CAMK2B: variants seen among roughly 807,000 people sequenced by gnomAD.
CAMK2B encodes calcium/calmodulin dependent protein kinase II beta.
A neutral mutation model predicts 93.7 loss-of-function variants in CAMK2B; 27 were observed. That is an observed-to-expected ratio of 0.29 (90% confidence interval 0.21 to 0.40). CAMK2B has a LOEUF of 0.40. Among genes scored for constraint, CAMK2B ranks in the 10% least tolerant of loss-of-function variants. The pLI is 1.00. For synonymous variants in CAMK2B, 374 were observed against 358.8 expected (o/e 1.04, Z -0.48); for missense variants, 568 against 895.8 (o/e 0.63, Z 4.67).
chr7:44,226,754 T>G (rs1583788505), intron 19 of CAMK2B, 110 bp from the exon 20 acceptor site: 3 of 209,122 alleles, frequency 1.4e-5, no homozygotes, highest in African/African-American at 1.6e-4. Flanking sequence ...GAGGCAGATG[T>G]GGGGGATGGG....
chr7:44,252,270 G>A (rs944001604), intron 5 of CAMK2B, among the ~76,000 whole-genome samples: 3 of 151,978 alleles, frequency 2.0e-5, no homozygotes, highest in African/African-American at 7.3e-5. Flanking sequence ...ATTCTGGGCA[G>A]GCTGACTCTC....
At chr7:44,291,955 C>T (rs1786964020) in intron 1 of CAMK2B, among the ~76,000 whole-genome samples, 2 of 152,244 alleles carry the variant, frequency 1.3e-5, no homozygotes, top group Admixed American at 1.3e-4. Flanking sequence ...CCAACAAGAG[C>T]TAAAGTCTTA....
chr7:44,251,264 G>C (rs553438445), intron 5 of CAMK2B, among the ~76,000 whole-genome samples: 1 of 152,204 alleles, frequency 6.6e-6, no homozygotes, highest in Non-Finnish European at 1.5e-5. Context: ...TCTGCCTGGG[G>C]GTAAGTCAAG....
At chr7:44,310,461 G>A (rs1485952895) in intron 1 of CAMK2B, among the ~76,000 whole-genome samples, 3 of 152,184 alleles carry the variant, frequency 2.0e-5, no homozygotes, top group Non-Finnish European at 4.4e-5. Context: ...CAACCCAGTG[G>A]CTATGTCATG....
At chr7:44,280,460 C>T (rs2097093413) in intron 2 of CAMK2B, among the ~76,000 whole-genome samples, 1 of 152,140 alleles carries the variant, frequency 6.6e-6, no homozygotes, top group South Asian at 2.1e-4. Flanking sequence ...CTTTGGAGGC[C>T]CCTGATAAGG....
intron 16 of CAMK2B, among the ~76,000 whole-genome samples, chr7:44,232,253 G>A (rs984466739): frequency 6.6e-6 from 1 of 152,198 alleles, no homozygotes; most frequent in Non-Finnish European, 1.5e-5. Context: ...CTGGAGGGCC[G>A]TGTTGGGTGT....
chr7:44,306,933 GGA>G (rs1428500603), intron 1 of CAMK2B, among the ~76,000 whole-genome samples: 7 of 132,964 alleles, frequency 5.3e-5, no homozygotes, highest in South Asian at 2.6e-4. Flanking sequence ...GGTGTGAGCA[GGA>G]AGAGAAGGGG....
chr7:44,297,979 C>T (rs1788759199), intron 1 of CAMK2B, among the ~76,000 whole-genome samples: 1 of 152,120 alleles, frequency 6.6e-6, no homozygotes. Flanking sequence ...CAAAAATTAG[C>T]CAGGCTTGGT....
intron 6 of CAMK2B, among the ~76,000 whole-genome samples, chr7:44,244,083 G>A (rs972433685): frequency 6.6e-5 from 10 of 152,254 alleles, no homozygotes; most frequent in South Asian, 2.1e-4. Flanking sequence ...AAGGAGAAAC[G>A]CCCAGGGCCC....
intron 20 of CAMK2B, among the ~76,000 whole-genome samples, chr7:44,221,670 G>A (rs59877240): frequency 0.053 from 8,119 of 152,178 alleles, 279 homozygotes; most frequent in East Asian, 0.087. Flanking sequence ...CTGTTGCCCC[G>A]CACCCCCATG....
intron 16 of CAMK2B, among the ~76,000 whole-genome samples, chr7:44,232,125 G>T (rs1353364395): frequency 2.6e-5 from 4 of 152,222 alleles, no homozygotes; most frequent in African/African-American, 9.6e-5. Flanking sequence ...TCCCTGCCAT[G>T]GAGAAAGATG....
chr7:44,231,148 AC>A, intron 16 of CAMK2B, 94 bp from the exon 17 acceptor site: 1 of 754,020 alleles, frequency 1.3e-6, no homozygotes, highest in Non-Finnish European at 2.1e-6. Flanking sequence ...CTGTGTCAGG[AC>A]CAGCCCAGGC....
chr7:44,236,085 C>T (rs1287462407), intron 13 of CAMK2B, among the ~76,000 whole-genome samples: 1 of 152,240 alleles, frequency 6.6e-6, no homozygotes, highest in Non-Finnish European at 1.5e-5. Flanking sequence ...CAGGGCTGGA[C>T]ATCTGTTCCA....
At chr7:44,236,994 G>A (rs1382855410) in intron 13 of CAMK2B, among the ~76,000 whole-genome samples, 1 of 152,220 alleles carries the variant, frequency 6.6e-6, no homozygotes, top group East Asian at 1.9e-4. Context: ...AAAAAGCTGT[G>A]GCCAACTGAA....
intron 6 of CAMK2B, among the ~76,000 whole-genome samples, chr7:44,244,618 C>T (rs562051332): frequency 6.6e-6 from 1 of 152,122 alleles, no homozygotes; most frequent in South Asian, 2.1e-4. Context: ...ATGAGCCGCC[C>T]AAAGAGACAA....
rs1021196377 is a variant in CAMK2B, at chr7:44,239,598, C to G, written c.1012G>C (p.Val338Leu). 1 of 1,549,804 alleles carries G rather than the reference C, an allele frequency of 6.5e-7. No homozygotes were observed. The highest frequency in any genetic ancestry group is 1.4e-5 in the African/African-American group (1 of 73,008). The part of the protein sequence containing the change: ...TAASGTTMGL[V>L]EQAKSLLNKK... ...GTCGAGACACATCTACCTTGTTCCA[C>G]CAGCCCCATGGTGGTGCCGGAGGCC... is the stretch of plus-strand genomic sequence containing the variant. Residue 338 changes from valine (V) to leucine (L), a missense_variant, in exon 13 of 24, where the codon GTG (valine) becomes CTG (leucine). Physicochemically the swap from Val to Leu is conservative, Grantham distance 32. Coordinates refer to ENST00000395749, the MANE Select transcript of CAMK2B (RefSeq NM_001220.5).
intron 15 of CAMK2B, 55 bp from the exon 16 acceptor site, chr7:44,232,921 G>A: frequency 6.5e-7 from 1 of 1,526,946 alleles, no homozygotes; most frequent in Non-Finnish European, 9.1e-7. Context: ...GAGAAGAGGA[G>A]GAAGCGGAGA....
chr7:44,260,432 C>T (rs1240896062), intron 3 of CAMK2B, among the ~76,000 whole-genome samples: 2 of 152,168 alleles, frequency 1.3e-5, no homozygotes, highest in South Asian at 2.1e-4. Flanking sequence ...ATGCCCTCCA[C>T]CAAGGGCAGG....
At position 44,284,203 on chromosome 7, in the gene CAMK2B, G is replaced by A. The variant is rs774834635; in HGVS notation, c.88C>T (p.Arg30Cys). The part of the protein sequence containing the change: ...IGKGAFSVVR[R>C]CVKLCTGHEY... ...TGGCCGGTGCAGAGCTTGACACAGCGTCGGACCACAGAGAAAGCCCCCCTG... is the reference window on the plus strand; with the variant it reads ...TGGCCGGTGCAGAGCTTGACACAGCATCGGACCACAGAGAAAGCCCCCCTG... Residue 30 changes from arginine (R) to cysteine (C), a missense_variant, in exon 2 of 24, where the codon CGC (arginine) becomes TGC (cysteine). Around this residue, in one of 4 missense-constraint regions of CAMK2B, gnomAD observed 39 missense variants for 43.4 expected, o/e 0.90. Coordinates refer to ENST00000395749, the MANE Select transcript of CAMK2B (RefSeq NM_001220.5). The A allele has an allele frequency of 1.2e-6, 2 of 1,613,366 alleles. No individual in the cohort carries two copies. The highest frequency in any genetic ancestry group is 1.7e-6 in the Non-Finnish European group (2 of 1,179,724).
Sources: allele counts gnomAD v4.1 joint callset (sites outside exome capture counted in the v4.1 genomes callset), GRCh38; gene constraint gnomAD v4.1.1; regional missense constraint gnomAD v4.1.1; transcripts MANE v1.5; gene names NCBI Gene and HGNC (gene_info 2026-07-23, HGNC 2026-07-21).